Variants in KLRG2 observed in about 807,000 individuals in gnomAD.
KLRG2 encodes killer cell lectin-like receptor subfamily G member 2.
A neutral mutation model predicts 35.4 loss-of-function variants in KLRG2; 39 were observed. That is an observed-to-expected ratio of 1.10 (90% CI 0.85 to 1.44). KLRG2 has a LOEUF of 1.44. Ranked by LOEUF, KLRG2 falls within the 40% of genes most tolerant of loss-of-function variation. The pLI is 0.00. For missense variants in KLRG2, 632 were observed against 570.9 expected, an observed-to-expected ratio of 1.11 and a Z score of -1.09; for synonymous variants, 283 against 265.8, an observed-to-expected ratio of 1.06 and a Z score of -0.63.
At chr7:139,451,775 A>G (rs1415534482), downstream of KLRG2, among the ~76,000 whole-genome samples, 2 of 152,028 alleles carry the variant, frequency 1.3e-5, no homozygotes, top group South Asian at 2.1e-4. Flanking sequence ...AGGTACTGAG[A>G]AGGCTAGATA....
chr7:139,438,339 C>T, the KLRG2 span, among the ~76,000 whole-genome samples: 1 of 152,192 alleles, frequency 6.6e-6, no homozygotes, highest in African/African-American at 2.4e-5. Flanking sequence ...TCAAGTGATC[C>T]TCCCACCTGA....
chr7:139,466,757 A>G (rs1796662856), intron 3 of KLRG2, among the ~76,000 whole-genome samples: 1 of 151,134 alleles, frequency 6.6e-6, no homozygotes, highest in Non-Finnish European at 1.5e-5. Flanking sequence ...AAAAAAATAA[A>G]AAAAGGGGGG....
intron 3 of KLRG2, among the ~76,000 whole-genome samples, chr7:139,469,222 C>T (rs10240196): frequency 0.017 from 2,648 of 152,232 alleles, 80 homozygotes; most frequent in African/African-American, 0.06. Context: ...TGCGGTGGTG[C>T]GATCTTTGCT....
chr7:139,429,975 C>A, the KLRG2 span, among the ~76,000 whole-genome samples: 1 of 151,736 alleles, frequency 6.6e-6, no homozygotes, highest in African/African-American at 2.4e-5. Context: ...TGACCCCCCC[C>A]ATATGGGTGT....
At chr7:139,453,806 G>T in intron 4 of KLRG2, 99 bp from the exon 5 acceptor site, 2 of 1,404,604 alleles carry the variant, frequency 1.4e-6, no homozygotes, top group Non-Finnish European at 9.8e-7. Flanking sequence ...CACCTCTACC[G>T]GCCTGGGCAC....
At chr7:139,472,079 G>T (rs1285420545) in intron 3 of KLRG2, among the ~76,000 whole-genome samples, 2 of 152,130 alleles carry the variant, frequency 1.3e-5, no homozygotes, top group African/African-American at 4.8e-5. Flanking sequence ...GGCACTTCCA[G>T]GAACAATCCC....
chr7:139,478,514 A>G (rs1796895693), intron 3 of KLRG2, among the ~76,000 whole-genome samples: 1 of 152,102 alleles, frequency 6.6e-6, no homozygotes, highest in Admixed American at 6.6e-5. Context: ...TACTAAAAAT[A>G]CAAAAATTAG....
chr7:139,438,199 C>T, the KLRG2 span, among the ~76,000 whole-genome samples: 1 of 152,178 alleles, frequency 6.6e-6, no homozygotes, highest in South Asian at 2.1e-4. Flanking sequence ...TTGGTGGAGC[C>T]GGCCAAACAA....
downstream of KLRG2, among the ~76,000 whole-genome samples, chr7:139,448,522 T>TACTTTTACGCCATAG (rs1796334515): frequency 2.0e-5 from 3 of 152,036 alleles, no homozygotes; most frequent in African/African-American, 7.2e-5. Context: ...AAAAGTACAG[T>TACTTTTACGCCATAG]AAAAATATGG....
At chr7:139,457,100 C>G (rs979252292) in intron 3 of KLRG2, among the ~76,000 whole-genome samples, 1 of 152,176 alleles carries the variant, frequency 6.6e-6, no homozygotes, top group African/African-American at 2.4e-5. Flanking sequence ...TAATCTTACC[C>G]TTCTTGAATC....
At chr7:139,450,816 C>T (rs3088155), downstream of KLRG2, among the ~76,000 whole-genome samples, 5 of 152,032 alleles carry the variant, frequency 3.3e-5, no homozygotes, top group Admixed American at 2.0e-4. Flanking sequence ...GCATAAACAG[C>T]GACATATTTC....
chr7:139,467,530 C>T (rs1402856231), intron 3 of KLRG2, among the ~76,000 whole-genome samples: 1 of 152,076 alleles, frequency 6.6e-6, no homozygotes, highest in Non-Finnish European at 1.5e-5. Flanking sequence ...TAATCTATGA[C>T]CTTACCCCCA....
At chr7:139,476,970 A>G (rs544698966) in intron 3 of KLRG2, among the ~76,000 whole-genome samples, 8 of 152,246 alleles carry the variant, frequency 5.3e-5, no homozygotes, top group East Asian at 3.9e-4. Context: ...ATTCTGGCTC[A>G]TTATTGAATC....
chr7:139,481,462 G>C (rs570184644), intron 1 of KLRG2, among the ~76,000 whole-genome samples: 1 of 152,186 alleles, frequency 6.6e-6, no homozygotes, highest in Non-Finnish European at 1.5e-5. Flanking sequence ...TCAACTAGAG[G>C]CCCTGGGAAT....
the KLRG2 span, among the ~76,000 whole-genome samples, chr7:139,440,600 G>A: frequency 6.6e-6 from 1 of 151,172 alleles, no homozygotes; most frequent in Admixed American, 6.6e-5. Flanking sequence ...TTGGATTAGG[G>A]CCCAACCTAA....
At chr7:139,457,719 GA>G (rs1168021119) in intron 3 of KLRG2, among the ~76,000 whole-genome samples, 1 of 152,090 alleles carries the variant, frequency 6.6e-6, no homozygotes, top group Non-Finnish European at 1.5e-5. Context: ...GCCTCCTGGT[GA>G]CGGGAGCTGA....
the KLRG2 span, among the ~76,000 whole-genome samples, chr7:139,435,804 T>C: frequency 6.6e-6 from 1 of 152,220 alleles, no homozygotes. Context: ...GAATCCATTG[T>C]AAGGGTGCCC....
At chr7:139,455,447 G>A (rs569577064) in intron 3 of KLRG2, among the ~76,000 whole-genome samples, 32 of 151,098 alleles carry the variant, frequency 2.1e-4, no homozygotes, top group South Asian at 6.3e-4. Context: ...TCAGCCTCCC[G>A]AGTAGCTGGG....
chr7:139,462,373 G>A (rs1796582829), intron 3 of KLRG2, among the ~76,000 whole-genome samples: 1 of 150,514 alleles, frequency 6.6e-6, no homozygotes. Context: ...TGTCCTGGGG[G>A]GCAAGCACCC....
Sources: gnomAD v4.1 joint callset for allele counts (sites outside exome capture counted in the v4.1 genomes callset) on GRCh38, gnomAD v4.1.1 for gene constraint, MANE v1.5 for transcripts, NCBI Gene and HGNC (gene_info 2026-07-23, HGNC 2026-07-21) for gene names.